The following SGCD variants were observed in gnomAD, a reference collection of about 807,000 sequenced individuals.
The protein encoded by SGCD is sarcoglycan delta, also known as delta-sarcoglycan.
A neutral mutation model predicts 36.6 loss-of-function variants in SGCD; 18 were observed. The observed-to-expected ratio is 0.49, with a 90% CI of 0.34 to 0.73. The LOEUF (loss-of-function observed/expected upper bound fraction) is 0.73. Among genes scored for constraint, SGCD ranks in the 30% least tolerant of loss-of-function variants. The pLI, the probability that SGCD is intolerant of heterozygous loss-of-function variation, is 0.01. For missense variants in SGCD, 387 were observed against 346.7 expected, an observed-to-expected ratio of 1.12 and a Z score of -0.92; for synonymous variants, 133 against 130.6, an observed-to-expected ratio of 1.02 and a Z score of -0.12.
chr5:155,947,662 T>G (rs1354483731), intron 1 of SGCD, among the ~76,000 whole-genome samples: 1 of 152,052 alleles, frequency 6.6e-6, no homozygotes, highest in Non-Finnish European at 1.5e-5. Flanking sequence ...AGAAGTACTT[T>G]TGAAAACGAT....
chr5:156,342,551 G>C (rs1399219166), intron 2 of SGCD, among the ~76,000 whole-genome samples: 1 of 152,160 alleles, frequency 6.6e-6, no homozygotes, highest in East Asian at 1.9e-4. Context: ...GGCTTATAAA[G>C]CATTATTTTT....
chr5:156,530,809 A>T (rs1488648167), intron 4 of SGCD, among the ~76,000 whole-genome samples: 1 of 150,694 alleles, frequency 6.6e-6, no homozygotes, highest in African/African-American at 2.4e-5. Flanking sequence ...CGAACTCCTG[A>T]CCTCGTGATC....
At chr5:156,444,156 C>A (rs1393906178) in intron 3 of SGCD, among the ~76,000 whole-genome samples, 1 of 138,500 alleles carries the variant, frequency 7.2e-6, no homozygotes, top group Non-Finnish European at 1.6e-5. Flanking sequence ...TTCTCTCTCT[C>A]CTTCCCTCTC....
At chr5:155,833,223 C>A in the SGCD span, among the ~76,000 whole-genome samples, 21 of 150,506 alleles carry the variant, frequency 1.4e-4, no homozygotes, top group African/African-American at 5.1e-4. Context: ...CAGAGAGAAT[C>A]TCAAAAAAAA....
intron 3 of SGCD, among the ~76,000 whole-genome samples, chr5:156,358,519 C>T (rs79553986): frequency 0.012 from 1,839 of 152,294 alleles, 42 homozygotes; most frequent in African/African-American, 0.042. Flanking sequence ...TTATTCAACA[C>T]ATGCTTGTTG....
chr5:156,233,296 T>A (rs1218246622), intron 3 of SGCD, among the ~76,000 whole-genome samples: 1 of 152,202 alleles, frequency 6.6e-6, no homozygotes, highest in Non-Finnish European at 1.5e-5. Flanking sequence ...TAAAACAGAG[T>A]GATAGATGTT....
intron 1 of SGCD, among the ~76,000 whole-genome samples, chr5:156,058,687 A>G (rs931419181): frequency 6.8e-6 from 1 of 146,686 alleles, no homozygotes; most frequent in African/African-American, 2.5e-5. Context: ...ATATTAGCAA[A>G]CCATCATTAA....
intron 1 of SGCD, among the ~76,000 whole-genome samples, chr5:155,964,200 G>A (rs1757852628): frequency 6.6e-6 from 1 of 152,118 alleles, no homozygotes; most frequent in African/African-American, 2.4e-5. Flanking sequence ...AAGGTAGGAA[G>A]AGAAAGATGA....
chr5:156,490,313 T>C (rs1755878618), intron 3 of SGCD, among the ~76,000 whole-genome samples: 1 of 151,906 alleles, frequency 6.6e-6, no homozygotes, highest in East Asian at 1.9e-4. Context: ...CTTAAACTGC[T>C]CCCAAAAATA....
intron 1 of SGCD, among the ~76,000 whole-genome samples, chr5:155,959,506 A>T (rs1208548875): frequency 1.3e-5 from 2 of 152,146 alleles, no homozygotes; most frequent in Non-Finnish European, 2.9e-5. Context: ...TTAGCCAATT[A>T]TCCTAAGACT....
intron 1 of SGCD, among the ~76,000 whole-genome samples, chr5:156,096,827 T>C (rs1019106653): frequency 3.3e-5 from 5 of 152,240 alleles, no homozygotes; most frequent in African/African-American, 1.2e-4. Flanking sequence ...ATTCCAAGAT[T>C]CTTTTATTCT....
intron 3 of SGCD, among the ~76,000 whole-genome samples, chr5:156,453,459 C>A (rs1436069549): frequency 6.6e-6 from 1 of 152,126 alleles, no homozygotes; most frequent in South Asian, 2.1e-4. Flanking sequence ...CATGAATGTT[C>A]ATAGTAGCTG....
intron 1 of SGCD, among the ~76,000 whole-genome samples, chr5:156,024,292 T>C (rs991468235): frequency 6.6e-6 from 1 of 151,426 alleles, no homozygotes; most frequent in South Asian, 2.1e-4. Flanking sequence ...AGAGTGTAAA[T>C]TGAAAATGTG....
chr5:156,415,596 G>A (rs867055253), intron 3 of SGCD, among the ~76,000 whole-genome samples: 6 of 152,092 alleles, frequency 3.9e-5, no homozygotes, highest in Non-Finnish European at 8.8e-5. Flanking sequence ...CCATAATTCC[G>A]CATTTTAGAT....
intron 3 of SGCD, among the ~76,000 whole-genome samples, chr5:156,217,597 TTC>T (rs1764606985): frequency 6.6e-6 from 1 of 152,214 alleles, no homozygotes; most frequent in South Asian, 2.1e-4. Flanking sequence ...CAGTTCTTAT[TTC>T]TCTCTTTTAG....
intron 3 of SGCD, among the ~76,000 whole-genome samples, chr5:156,371,522 G>A (rs1195383672): frequency 6.6e-6 from 1 of 152,230 alleles, no homozygotes; most frequent in Non-Finnish European, 1.5e-5. Flanking sequence ...ACAGGCAGGA[G>A]AGAAGGAGAG....
At chr5:156,456,693 T>C (rs903201805) in intron 3 of SGCD, among the ~76,000 whole-genome samples, 1 of 152,192 alleles carries the variant, frequency 6.6e-6, no homozygotes, top group African/African-American at 2.4e-5. Flanking sequence ...TCCTCCAGGC[T>C]TTAGAGGGAT....
chr5:155,905,779 G>A (rs1170955538), intron 1 of SGCD, among the ~76,000 whole-genome samples: 1 of 151,962 alleles, frequency 6.6e-6, no homozygotes, highest in South Asian at 2.1e-4. Context: ...AGGGGTTTCT[G>A]CTTTTGCTTT....
the SGCD span, among the ~76,000 whole-genome samples, chr5:155,843,404 TCA>T: frequency 1.1e-4 from 17 of 150,112 alleles, no homozygotes; most frequent in African/African-American, 2.4e-4. Context: ...TCACTTATGC[TCA>T]CACACACACA....
Sources: gnomAD v4.1 joint callset for allele counts (sites outside exome capture counted in the v4.1 genomes callset) on GRCh38, gnomAD v4.1.1 for gene constraint, MANE v1.5 for transcripts, NCBI Gene and HGNC (gene_info 2026-07-23, HGNC 2026-07-21) for gene names.